Variants in ANKFN1 observed in about 807,000 individuals in gnomAD.
The protein encoded by ANKFN1 is ankyrin repeat and fibronectin type-III domain-containing protein 1.
Under a neutral mutation model 108.7 loss-of-function variants are expected in ANKFN1, and 74 were observed. The ratio of observed to expected loss-of-function variants is 0.68; its 90% CI spans 0.56 to 0.83. The LOEUF (loss-of-function observed/expected upper bound fraction) is 0.83. ANKFN1 is among the 40% of genes least tolerant of loss of function. ANKFN1 has a pLI of 0.00. For synonymous variants in ANKFN1, 547 were observed against 516.2 expected (o/e 1.06, Z -0.81); for missense variants, 1,505 against 1,382.3 (o/e 1.09, Z -1.41).
At chr17:56,139,157 A>G (rs1198683212) in intron 4 of ANKFN1, among the ~76,000 whole-genome samples, 1 of 152,190 alleles carries the variant, frequency 6.6e-6, no homozygotes, top group Admixed American at 6.5e-5. Context: ...CATTATTAAA[A>G]TCCTTGACAA....
At chr17:56,250,567 T>C (rs889513250) in intron 3 of ANKFN1, among the ~76,000 whole-genome samples, 1 of 152,260 alleles carries the variant, frequency 6.6e-6, no homozygotes, top group Non-Finnish European at 1.5e-5. Flanking sequence ...GTATTTTTTC[T>C]TAAAGCATCT....
chr17:56,446,473 C>T (rs180822933), intron 10 of ANKFN1, among the ~76,000 whole-genome samples: 1 of 152,284 alleles, frequency 6.6e-6, no homozygotes, highest in East Asian at 1.9e-4. Flanking sequence ...GTGTTTATTT[C>T]CTCAAACATT....
At chr17:56,193,396 G>A (rs1333342373) in intron 1 of ANKFN1, among the ~76,000 whole-genome samples, 1 of 146,308 alleles carries the variant, frequency 6.8e-6, no homozygotes, top group African/African-American at 2.6e-5. Context: ...AAAACTTAAA[G>A]TATAATTAAA....
chr17:56,501,479 C>CA (rs113560880), intron 20 of ANKFN1, among the ~76,000 whole-genome samples: 4 of 147,442 alleles, frequency 2.7e-5, no homozygotes, highest in Non-Finnish European at 3.0e-5. Context: ...TGGCACTTGC[C>CA]AAAAAAAAAG....
intron 1 of ANKFN1, among the ~76,000 whole-genome samples, chr17:56,169,052 T>A (rs1388014250): frequency 6.6e-6 from 1 of 152,028 alleles, no homozygotes; most frequent in African/African-American, 2.4e-5. Context: ...AGTTTGGAGA[T>A]GTAACAGAAA....
At chr17:56,405,390 C>G (rs760188987) in intron 8 of ANKFN1, among the ~76,000 whole-genome samples, 16 of 152,132 alleles carry the variant, frequency 1.1e-4, no homozygotes, top group Non-Finnish European at 1.5e-4. Flanking sequence ...AATATACGCT[C>G]TATAGATTAA....
intron 14 of ANKFN1, among the ~76,000 whole-genome samples, chr17:56,459,868 A>G (rs1699626574): frequency 6.6e-6 from 1 of 151,994 alleles, no homozygotes; most frequent in South Asian, 2.1e-4. Context: ...AAATCTATAG[A>G]CCTCACCACT....
chr17:56,069,393 C>T (rs1905095735), intron 4 of ANKFN1, among the ~76,000 whole-genome samples: 1 of 152,126 alleles, frequency 6.6e-6, no homozygotes, highest in African/African-American at 2.4e-5. Flanking sequence ...GGACCTTGAC[C>T]ATGAAGAGTA....
intron 3 of ANKFN1, 64 bp from the exon 4 acceptor site, chr17:56,326,157 T>A: frequency 1.3e-6 from 2 of 1,537,408 alleles, no homozygotes; most frequent in Non-Finnish European, 1.7e-6. Context: ...TAAGAGTATC[T>A]TCATGATCAT....
intron 8 of ANKFN1, among the ~76,000 whole-genome samples, chr17:56,385,819 C>G (rs1023062994): frequency 1.1e-4 from 16 of 152,172 alleles, no homozygotes; most frequent in African/African-American, 3.9e-4. Flanking sequence ...AGTCAGGAAA[C>G]AACAGATGCT....
At chr17:56,095,138 C>T (rs1905509275) in intron 4 of ANKFN1, among the ~76,000 whole-genome samples, 1 of 151,048 alleles carries the variant, frequency 6.6e-6, no homozygotes, top group Admixed American at 6.6e-5. Context: ...ATAGGGCCTA[C>T]ATCAACACTT....
chr17:56,243,724 C>T (rs1190082500), intron 3 of ANKFN1, among the ~76,000 whole-genome samples: 2 of 152,064 alleles, frequency 1.3e-5, no homozygotes, highest in African/African-American at 4.8e-5. Context: ...TGTTTATCTC[C>T]TTAGTTTTCG....
chr17:56,065,679 T>A (rs187426114), intron 4 of ANKFN1, among the ~76,000 whole-genome samples: 2 of 152,326 alleles, frequency 1.3e-5, no homozygotes, highest in African/African-American at 4.8e-5. Flanking sequence ...GAATGGTTGG[T>A]GGAGCAGTCA....
At chr17:56,429,299 G>C (rs1598594356) in intron 8 of ANKFN1, among the ~76,000 whole-genome samples, 2 of 152,222 alleles carry the variant, frequency 1.3e-5, no homozygotes, top group Non-Finnish European at 2.9e-5. Flanking sequence ...TAGAACGGTA[G>C]AAGGGGGGCT....
intron 4 of ANKFN1, among the ~76,000 whole-genome samples, chr17:56,053,858 AG>A (rs1288309035): frequency 1.3e-5 from 2 of 152,188 alleles, no homozygotes; most frequent in Non-Finnish European, 2.9e-5. Flanking sequence ...TGAGGAAAAA[AG>A]GTATTTTTTA....
chr17:56,476,188 G>T (rs1171732387), intron 15 of ANKFN1, among the ~76,000 whole-genome samples: 1 of 152,138 alleles, frequency 6.6e-6, no homozygotes, highest in Non-Finnish European at 1.5e-5. Flanking sequence ...TTTGGGTGGG[G>T]ACACAAATCC....
At chr17:56,118,715 G>A (rs79948797) in intron 4 of ANKFN1, among the ~76,000 whole-genome samples, 1,612 of 152,236 alleles carry the variant, frequency 0.011, 24 homozygotes, top group African/African-American at 0.036. Context: ...ATATTAAGAA[G>A]CGAACATATT....
intron 1 of ANKFN1, among the ~76,000 whole-genome samples, chr17:56,188,425 G>A (rs1214649671): frequency 1.3e-5 from 2 of 150,614 alleles, no homozygotes; most frequent in African/African-American, 4.9e-5. Context: ...AGCTTCTAGA[G>A]GCTGCTTATG....
intron 8 of ANKFN1, among the ~76,000 whole-genome samples, chr17:56,400,563 G>A (rs2047729745): frequency 6.6e-6 from 1 of 152,014 alleles, no homozygotes; most frequent in South Asian, 2.1e-4. Context: ...TGTTCCTTTT[G>A]CTGTGCAAAA....
Sources: allele counts gnomAD v4.1 joint callset (sites outside exome capture counted in the v4.1 genomes callset), GRCh38; gene constraint gnomAD v4.1.1; transcripts MANE v1.5; gene names NCBI Gene and HGNC (gene_info 2026-07-23, HGNC 2026-07-21).